Variants in EYS observed in about 807,000 individuals in gnomAD.
The protein encoded by EYS is protein eyes shut homolog.
A neutral mutation model predicts 282.1 loss-of-function variants in EYS; 250 were observed. The ratio of observed to expected loss-of-function variants is 0.89; its 90% confidence interval spans 0.80 to 0.98. EYS has a LOEUF of 0.98. Among genes scored for constraint, EYS ranks in the 50% least tolerant of loss-of-function variants. The probability of loss-of-function intolerance (pLI) is 0.00; values close to 1 mark genes in which losing one functional copy is unlikely to be tolerated. For missense variants in EYS, 4,016 were observed against 3,709.0 expected (o/e 1.08, Z -2.15); for synonymous variants, 1,355 against 1,282.9 (o/e 1.06, Z -1.20).
intron 13 of EYS, among the ~76,000 whole-genome samples, chr6:65,020,133 A>T (rs1772203283): frequency 6.6e-6 from 1 of 152,082 alleles, no homozygotes; most frequent in Non-Finnish European, 1.5e-5. Flanking sequence ...GCCCCTCCCA[A>T]ATCTCATGTC....
rs1235857393 is a variant in EYS, at chr6:63,797,954, T to A, written c.7411+8236A>T. The A allele has an allele frequency of 2.6e-5, 4 of 152,164 alleles. No homozygotes were observed. In the South Asian group the frequency reaches 8.3e-4, roughly 32 times the overall value. 9.4% of individuals were successfully genotyped at this position (152,164 alleles called of 1,614,324 possible). A position where few individuals can be genotyped will look rare whatever the true frequency, so the allele number is the denominator to read the frequency against. ...TCTCTTGAGCAAAAGGAGGTGAGAC[T>A]AGAAAAAGTGGCAAATCTGTATCTC... On this transcript the variant is annotated intron_variant, in intron 37 of 42. Coordinates refer to ENST00000503581, the MANE Select transcript of EYS (RefSeq NM_001142800.2).
chr6:64,711,639 T>C (rs1268421898), intron 22 of EYS, among the ~76,000 whole-genome samples: 3 of 152,190 alleles, frequency 2.0e-5, no homozygotes, highest in Non-Finnish European at 4.4e-5. Context: ...AACAAGGTAA[T>C]ACAAAATATT....
At chr6:64,984,931 A>G (rs546695405) in intron 14 of EYS, among the ~76,000 whole-genome samples, 2 of 151,638 alleles carry the variant, frequency 1.3e-5, no homozygotes, top group African/African-American at 2.4e-5. Context: ...CAAAGTACAA[A>G]TAAACCTCTT....
intron 35 of EYS, among the ~76,000 whole-genome samples, chr6:63,894,462 C>G (rs754609494): frequency 6.6e-6 from 1 of 152,104 alleles, no homozygotes; most frequent in East Asian, 1.9e-4. Flanking sequence ...CTGGAAGAGA[C>G]GAGGAAGGAT....
At position 64,590,301 on chromosome 6, in the gene EYS, G is replaced by C; in HGVS notation, c.5566C>G (p.Arg1856Gly). The change falls in exon 26 of 43, where the codon CGG becomes GGG. Residue 1856 changes from arginine to glycine, a missense_variant. Physicochemically the swap from Arg to Gly is moderately radical, Grantham distance 125 (BLOSUM62 -2). Coordinates refer to ENST00000503581, the MANE Select transcript of EYS (RefSeq NM_001142800.2). Reference protein sequence around the residue: ...VQYQEFPTASRHLPFTRSLTL... With the variant: ...VQYQEFPTASGHLPFTRSLTL... ...AGAGATCTAGTGAAGGGAAGATGCC[G>C]GCTTGCAGTGGGAAATTCCTGATAT... 6 of 1,551,100 alleles carry C rather than the reference G, an allele frequency of 3.9e-6. No individual in the cohort carries two copies. The highest frequency in any genetic ancestry group is 5.2e-6 in the Non-Finnish European group (6 of 1,146,592).
chr6:65,299,686 C>T (rs1355615340), intron 11 of EYS, among the ~76,000 whole-genome samples: 7 of 152,104 alleles, frequency 4.6e-5, no homozygotes, highest in South Asian at 2.1e-4. Context: ...TATTACAGTG[C>T]GTTTCCATTT....
intron 5 of EYS, among the ~76,000 whole-genome samples, chr6:65,443,316 A>G (rs1228689808): frequency 8.7e-6 from 1 of 114,802 alleles, no homozygotes; most frequent in Non-Finnish European, 2.1e-5. Flanking sequence ...GTACACATAT[A>G]GACATATATG....
chr6:64,320,350 T>C (rs1167755891), intron 29 of EYS, among the ~76,000 whole-genome samples: 1 of 151,850 alleles, frequency 6.6e-6, no homozygotes, highest in Admixed American at 6.6e-5. Flanking sequence ...ATTGAGTCTA[T>C]GGGTTGTTGA....
intron 35 of EYS, among the ~76,000 whole-genome samples, chr6:63,936,259 AG>A (rs1765053811): frequency 6.6e-6 from 1 of 152,204 alleles, no homozygotes; most frequent in Admixed American, 6.5e-5. Context: ...GCTGGCGGAT[AG>A]GTATCCTGGC....
At chr6:65,528,724 C>T (rs565804573) in intron 2 of EYS, among the ~76,000 whole-genome samples, 139 of 152,198 alleles carry the variant, frequency 9.1e-4, no homozygotes, top group South Asian at 6.6e-3. Context: ...CAGCACAAAA[C>T]GGACTAAGAC....
intron 26 of EYS, among the ~76,000 whole-genome samples, chr6:64,585,427 A>G (rs1766204844): frequency 6.6e-6 from 1 of 152,162 alleles, no homozygotes; most frequent in South Asian, 2.1e-4. Flanking sequence ...ACAATACACC[A>G]TGTAACGAAC....
At chr6:64,489,453 T>C (rs1362739758) in intron 26 of EYS, among the ~76,000 whole-genome samples, 1 of 149,686 alleles carries the variant, frequency 6.7e-6, no homozygotes, top group Non-Finnish European at 1.5e-5. Flanking sequence ...ATCCATTTAC[T>C]AGTTATTCAA....
rs551073419 is a variant in EYS at position 64,151,339 on chromosome 6, A to G, written c.6425-69337T>C. Among the ~76,000 whole-genome samples the G allele has an allele frequency of 2.5e-5, 3 of 118,518 alleles. No individual in the cohort carries two copies. The East Asian group carries it at 7.6e-4, about 30-fold the overall frequency. The allele number at this position is 118,518 out of a possible 152,430, so 77.8% of individuals were successfully genotyped here. A position where few individuals can be genotyped will look rare whatever the true frequency, so the allele number is the denominator to read the frequency against. On this transcript the variant is annotated intron_variant, in intron 31 of 42. Coordinates refer to ENST00000503581, the MANE Select transcript of EYS (RefSeq NM_001142800.2). ...TATTTATATATATATATATATATAT[A>G]TATATATATATATATATATATATAA... is the stretch of plus-strand genomic sequence containing the variant.
At chr6:64,841,349 T>C (rs965824582) in intron 19 of EYS, among the ~76,000 whole-genome samples, 1 of 152,178 alleles carries the variant, frequency 6.6e-6, no homozygotes, top group Non-Finnish European at 1.5e-5. Flanking sequence ...TATTTAACTC[T>C]ATTACTGTAT....
chr6:64,962,942 T>A (rs947897519), intron 14 of EYS, among the ~76,000 whole-genome samples: 1 of 152,212 alleles, frequency 6.6e-6, no homozygotes, highest in African/African-American at 2.4e-5. Context: ...TTAGTCCTAT[T>A]ATCATATCTC....
At chr6:64,459,867 G>T (rs950157352) in intron 26 of EYS, among the ~76,000 whole-genome samples, 1 of 150,728 alleles carries the variant, frequency 6.6e-6, no homozygotes, top group African/African-American at 2.4e-5. Flanking sequence ...ACACACCCAA[G>T]AACAATACTT....
chr6:64,823,593 G>C (rs1187688497), intron 19 of EYS, among the ~76,000 whole-genome samples: 1 of 151,890 alleles, frequency 6.6e-6, no homozygotes, highest in Non-Finnish European at 1.5e-5. Context: ...ATAAAAACTA[G>C]CATTGACTGA....
At chr6:65,488,679 G>A (rs1397468865) in intron 5 of EYS, among the ~76,000 whole-genome samples, 2 of 151,834 alleles carry the variant, frequency 1.3e-5, no homozygotes, top group African/African-American at 2.4e-5. Context: ...GACAATCCTG[G>A]GCAAGAAGAA....
intron 5 of EYS, among the ~76,000 whole-genome samples, chr6:65,416,673 A>C (rs1016143491): frequency 6.6e-6 from 1 of 151,998 alleles, no homozygotes; most frequent in African/African-American, 2.4e-5. Flanking sequence ...CCTCTGATGA[A>C]GTGTCAAAAA....
Sources: gnomAD v4.1 joint callset for allele counts (sites outside exome capture counted in the v4.1 genomes callset) on GRCh38, gnomAD v4.1.1 for gene constraint, MANE v1.5 for transcripts, NCBI Gene and HGNC (gene_info 2026-07-23, HGNC 2026-07-21) for gene names.